Variants in CDK14 observed in about 807,000 individuals in gnomAD.
The protein encoded by CDK14 is cyclin dependent kinase 14.
In CDK14, 34 loss-of-function variants were observed where a neutral mutation model predicts 60.7. The ratio of observed to expected loss-of-function variants is 0.56; its 90% CI spans 0.43 to 0.75. The LOEUF (loss-of-function observed/expected upper bound fraction) is 0.75, where lower values mean the gene tolerates loss of function less well. Ranked by LOEUF, CDK14 falls within the 30% of genes least tolerant of loss-of-function variation. The pLI is 0.00. For missense variants in CDK14, 482 were observed against 564.1 expected (o/e 0.85, Z 1.47); for synonymous variants, 197 against 203.7 (o/e 0.97, Z 0.28).
chr7:90,981,601 A>G (rs922034609), intron 9 of CDK14, among the ~76,000 whole-genome samples: 1 of 152,200 alleles, frequency 6.6e-6, no homozygotes, highest in African/African-American at 2.4e-5. Context: ...GAAGTAGGTC[A>G]CTTGGTCTTA....
At chr7:90,859,143 G>T (rs976616727) in intron 5 of CDK14, among the ~76,000 whole-genome samples, 2 of 152,174 alleles carry the variant, frequency 1.3e-5, no homozygotes, top group African/African-American at 4.8e-5. Flanking sequence ...TTTCTTGCCT[G>T]GGAATATACA....
At chr7:91,131,548 C>T (rs1800117932) in intron 14 of CDK14, among the ~76,000 whole-genome samples, 1 of 152,110 alleles carries the variant, frequency 6.6e-6, no homozygotes, top group Non-Finnish European at 1.5e-5. Context: ...AGAGAAATTA[C>T]TCTCAAGGCT....
chr7:91,071,688 C>A (rs962866483), intron 11 of CDK14, among the ~76,000 whole-genome samples: 1 of 152,248 alleles, frequency 6.6e-6, no homozygotes, highest in Non-Finnish European at 1.5e-5. Flanking sequence ...CGGGTGCCTG[C>A]TGTCTAAGCC....
At chr7:91,190,593 G>A (rs1441049150) in intron 14 of CDK14, among the ~76,000 whole-genome samples, 3 of 152,166 alleles carry the variant, frequency 2.0e-5, no homozygotes, top group Admixed American at 6.5e-5. Context: ...AGGTTCAAGC[G>A]ATTGTCATGC....
At chr7:90,618,361 A>G (rs543374861) in intron 2 of CDK14, among the ~76,000 whole-genome samples, 2 of 152,282 alleles carry the variant, frequency 1.3e-5, no homozygotes, top group East Asian at 3.9e-4. Flanking sequence ...TAAACATAAA[A>G]TGCTTCCAAT....
At chr7:90,784,859 G>A (rs778584877) in intron 4 of CDK14, among the ~76,000 whole-genome samples, 12 of 152,168 alleles carry the variant, frequency 7.9e-5, no homozygotes, top group Non-Finnish European at 1.6e-4. Flanking sequence ...ATGTAATACA[G>A]TATAGTGAGC....
intron 12 of CDK14, among the ~76,000 whole-genome samples, chr7:91,093,602 C>T (rs965721665): frequency 1.3e-5 from 2 of 152,060 alleles, no homozygotes; most frequent in African/African-American, 4.8e-5. Context: ...CTTAAGGTAC[C>T]TCACCATTAT....
intron 2 of CDK14, among the ~76,000 whole-genome samples, chr7:90,673,180 A>G (rs1353021369): frequency 6.6e-6 from 1 of 152,166 alleles, no homozygotes; most frequent in Non-Finnish European, 1.5e-5. Flanking sequence ...TGCCTAAGGG[A>G]TAGGACTTCT....
At chr7:90,976,658 C>T (rs1795082190) in intron 9 of CDK14, among the ~76,000 whole-genome samples, 1 of 152,106 alleles carries the variant, frequency 6.6e-6, no homozygotes, top group East Asian at 1.9e-4. Flanking sequence ...ACCATGGCAC[C>T]TGTCCTCATC....
intron 7 of CDK14, among the ~76,000 whole-genome samples, chr7:90,904,792 G>T (rs1438968235): frequency 6.6e-6 from 1 of 152,022 alleles, no homozygotes; most frequent in East Asian, 1.9e-4. Context: ...AGAACACTGG[G>T]TTCAAAGAAA....
intron 14 of CDK14, among the ~76,000 whole-genome samples, chr7:91,130,723 A>G (rs1800091905): frequency 6.6e-6 from 1 of 152,138 alleles, no homozygotes. Flanking sequence ...ATCATTTACT[A>G]TCCTCTTGAT....
intron 10 of CDK14, among the ~76,000 whole-genome samples, chr7:91,043,121 T>C (rs1797134981): frequency 6.6e-6 from 1 of 152,236 alleles, no homozygotes; most frequent in Admixed American, 6.5e-5. Context: ...TTTGTTTCTT[T>C]CCTGGTAATT....
intron 14 of CDK14, among the ~76,000 whole-genome samples, chr7:91,173,424 T>C (rs34295956): frequency 0.37 from 51,848 of 138,826 alleles, 10,959 homozygotes; most frequent in Non-Finnish European, 0.52. Flanking sequence ...TAAGACTGCA[T>C]CTCTTAAAAA....
At chr7:91,060,040 A>T (rs1203782366) in intron 11 of CDK14, among the ~76,000 whole-genome samples, 1 of 151,746 alleles carries the variant, frequency 6.6e-6, no homozygotes. Context: ...GTGGGAGTCT[A>T]AGTGTCTTTG....
At chr7:90,732,169 C>T (rs938821130) in intron 3 of CDK14, among the ~76,000 whole-genome samples, 4 of 152,288 alleles carry the variant, frequency 2.6e-5, no homozygotes, top group South Asian at 2.1e-4. Flanking sequence ...TTCAACCAAC[C>T]TTGCATTCCA....
chr7:91,144,023 G>A (rs184518340), intron 14 of CDK14, among the ~76,000 whole-genome samples: 228 of 152,202 alleles, frequency 1.5e-3, no homozygotes, highest in African/African-American at 5.2e-3. Context: ...AGATGTTTCA[G>A]TCATAATCTA....
At chr7:91,132,000 T>TGTTGGTTG (rs3038327) in intron 14 of CDK14, among the ~76,000 whole-genome samples, 99,153 of 150,642 alleles carry the variant, frequency 0.66, 34,089 homozygotes, top group Non-Finnish European at 0.78. Context: ...GAAGTTTTTT[T>TGTTGGTTG]GTTGGTTGGT....
At chr7:91,091,574 CA>C (rs1798829149) in intron 12 of CDK14, among the ~76,000 whole-genome samples, 1 of 144,610 alleles carries the variant, frequency 6.9e-6, no homozygotes, top group Admixed American at 7.0e-5. Flanking sequence ...GAGGCTGAGG[CA>C]GGGGGATCAT....
At chr7:90,625,483 ATTTAT>A (rs1367420603) in intron 2 of CDK14, among the ~76,000 whole-genome samples, 1 of 152,246 alleles carries the variant, frequency 6.6e-6, no homozygotes, top group Non-Finnish European at 1.5e-5. Context: ...ACTAAAATAC[ATTTAT>A]TTTAATATTT....
Sources: allele counts gnomAD v4.1 joint callset (sites outside exome capture counted in the v4.1 genomes callset), GRCh38; gene constraint gnomAD v4.1.1; transcripts MANE v1.5; gene names NCBI Gene and HGNC (gene_info 2026-07-23, HGNC 2026-07-21).